The following VPS13C variants were observed in gnomAD, a reference collection of about 807,000 sequenced individuals.
VPS13C encodes the protein intermembrane lipid transfer protein VPS13C.
A neutral mutation model predicts 456.8 loss-of-function variants in VPS13C; 358 were observed. The observed-to-expected ratio is 0.78, with a 90% CI of 0.72 to 0.86. The LOEUF (loss-of-function observed/expected upper bound fraction) is 0.86, where lower values mean the gene tolerates loss of function less well. Among genes scored for constraint, VPS13C ranks in the 40% least tolerant of loss-of-function variants. The probability of loss-of-function intolerance (pLI) is 0.00; values close to 1 mark genes in which losing one functional copy is unlikely to be tolerated. For synonymous variants in VPS13C, 1,578 were observed against 1,486.7 expected, an observed-to-expected ratio of 1.06 and a Z score of -1.41; for missense variants, 4,818 against 4,385.4, an observed-to-expected ratio of 1.10 and a Z score of -2.79.
At chr15:61,874,780 T>A in intron 77 of VPS13C, 96 bp downstream of exon 77, 1 of 1,118,716 alleles carries the variant, frequency 8.9e-7, no homozygotes. Flanking sequence ...AAGTGATCCC[T>A]CCTTTATTAA....
intron 16 of VPS13C, among the ~76,000 whole-genome samples, chr15:61,993,621 C>T (rs897089668): frequency 1.3e-5 from 2 of 151,862 alleles, no homozygotes; most frequent in African/African-American, 4.8e-5. Flanking sequence ...AAATTTTACA[C>T]ATAATAAAGA....
In VPS13C at chr15:62,038,762, A is replaced by T. The variant is rs968059637; in HGVS notation, c.187+2562T>A. Among the ~76,000 whole-genome samples, 3 of 152,232 alleles carry T rather than the reference A, an allele frequency of 2.0e-5. No homozygotes were observed. In the South Asian group the frequency reaches 6.2e-4, roughly 31 times the overall value. ...AGGAACTCAAACAACTGAACAAGAAAAAAACAACCCCATTCAAAACAGCAA... is the reference window on the plus strand; with the variant it reads ...AGGAACTCAAACAACTGAACAAGAATAAAACAACCCCATTCAAAACAGCAA... On this transcript the variant is annotated intron_variant, in intron 3 of 84. Transcript: ENST00000644861.
chr15:62,046,816 T>G (rs776409344), intron 1 of VPS13C, among the ~76,000 whole-genome samples: 30 of 152,190 alleles, frequency 2.0e-4, no homozygotes, highest in Admixed American at 7.2e-4. Flanking sequence ...GTAGTTAAGA[T>G]GTGAAATGTT....
chr15:61,893,559 A>C (rs2042715928), intron 66 of VPS13C, among the ~76,000 whole-genome samples: 2 of 151,732 alleles, frequency 1.3e-5, no homozygotes, highest in South Asian at 2.1e-4. Context: ...TCACTGGTAA[A>C]ACTAAGTACA....
chr15:61,925,510 C>A lies in VPS13C; in HGVS notation c.6555G>T (p.Thr2185=), dbSNP rs201714454. Residue 2185 remains threonine (T), a synonymous_variant, in exon 53 of 85, where the codon ACG becomes ACT. Transcript: ENST00000644861. ...TTATATTTTGCTTTCCTGAAGCCCA[C>A]GTACATTTTTCCATAAATAAAGAAC... The part of the protein sequence containing the change: ...QPCSLFMEKC[T]WASGKQNINI... 1.9e-6 allele frequency: 3 copies of A among 1,603,848 alleles called. No individual in the cohort carries two copies. Among genetic ancestry groups the A allele is most frequent in the Middle Eastern group, 1.7e-4 (1 of 5,716 alleles).
intron 3 of VPS13C, among the ~76,000 whole-genome samples, chr15:62,039,759 G>A (rs1000817914): frequency 7.2e-5 from 11 of 152,096 alleles, no homozygotes; most frequent in African/African-American, 2.7e-4. Flanking sequence ...ACTATTGGTG[G>A]GAATGTAAAT....
chr15:61,897,436 C>G (rs897350286), intron 66 of VPS13C, among the ~76,000 whole-genome samples: 7 of 151,972 alleles, frequency 4.6e-5, no homozygotes, highest in Admixed American at 2.6e-4. Context: ...AACCAAGGCT[C>G]GAGAACTACG....
rs1395309029 is a variant in VPS13C, at chr15:61,880,681, T to C, written c.9930A>G (p.Glu3310=). 2 of 1,600,542 alleles carry C rather than the reference T, an allele frequency of 1.2e-6. No homozygotes were observed. The highest frequency in any genetic ancestry group is 2.2e-5 in the East Asian group (1 of 44,504). Residue 3310 remains glutamate (E), a synonymous_variant, in exon 73 of 85, where the codon GAA becomes GAG. Coordinates refer to ENST00000644861, the MANE Select transcript of VPS13C (RefSeq NM_020821.3). ...TATCAGTCATTGAAGTCTCCATTAA[T>C]TCTGCATTTAGAGCATCAATATCTT... ...IQQDIDALNA[E]LMETSMTDMS...
chr15:61,863,297 AT>A, intron 82 of VPS13C, 142 bp downstream of exon 82: 1 of 608,684 alleles, frequency 1.6e-6, no homozygotes, highest in Middle Eastern at 3.1e-4. Flanking sequence ...CTGTATTGTG[AT>A]TCTATGAAAA....
chr15:62,012,190 G>A, intron 11 of VPS13C, 26 bp from the exon 12 acceptor site: 5 of 1,361,586 alleles, frequency 3.7e-6, no homozygotes, highest in South Asian at 2.4e-5. Context: ...GAATGAGAAT[G>A]AAAAAGAAAA....
At position 61,897,902 on chromosome 15, in the gene VPS13C, G is replaced by A. The variant is rs142758647; in HGVS notation, c.9106-7502C>T. On this transcript the variant is annotated intron_variant, in intron 66 of 84. Transcript: ENST00000644861. The stretch of plus-strand genomic sequence containing the variant: ...AAGCCCATCAGACTAACAGCGGATC[G>A]CTCGGCAGAAACCATACAAGCCAGA... Among the ~76,000 whole-genome samples, 634 of 152,230 alleles carry A rather than the reference G, an allele frequency of 4.2e-3. 9 individuals are homozygous for A. The highest frequency in any genetic ancestry group is 0.019 in the East Asian group (100 of 5,170).
In VPS13C at chr15:61,945,833, TAA is replaced by T; in HGVS notation, c.5028_5029del (p.Tyr1677SerfsTer11). ...GGCCTCTCCTTCTGTGGCATCTGGA[TAA>T]AGAGTCAGTTGGAACCTAAAGACTT... On this transcript the variant is annotated frameshift_variant, in exon 45 of 85. Transcript: ENST00000644861. LOFTEE classifies it high-confidence loss of function. The T allele has an allele frequency of 6.2e-7, 1 of 1,612,864 alleles. No homozygotes were observed. Among genetic ancestry groups the T allele is most frequent in the Non-Finnish European group, 8.5e-7 (1 of 1,179,592 alleles).
intron 66 of VPS13C, among the ~76,000 whole-genome samples, chr15:61,902,369 T>C (rs1445552015): frequency 6.7e-6 from 1 of 148,752 alleles, no homozygotes; most frequent in Non-Finnish European, 1.5e-5. Context: ...GAGCGGGGAA[T>C]ACTTCTAAAC....
rs1236394659 is a variant in VPS13C, at chr15:61,951,982, T to G, written c.4300-2A>C. On this transcript the variant is annotated splice_acceptor_variant, in intron 38 of 84. Coordinates refer to ENST00000644861, the MANE Select transcript of VPS13C (RefSeq NM_020821.3). LOFTEE classifies it high-confidence loss of function. ...TTTTTTCATCAAAGTAACCACAACC[T>G]AAAAAACGGTACCAGTATTACCACC... 1 of 1,610,024 alleles carries G rather than the reference T, an allele frequency of 6.2e-7. No homozygotes were observed. The highest frequency in any genetic ancestry group is 8.5e-7 in the Non-Finnish European group (1 of 1,178,656).
In VPS13C at chr15:62,022,087, ATGAACAAGGGAATGC is replaced by A. The variant is rs1452285716; in HGVS notation, c.624+1309_624+1323del. 3.3e-5 allele frequency among the ~76,000 whole-genome samples: 5 copies of A among 151,990 alleles called. No homozygotes were observed. The South Asian group carries it at 6.2e-4, about 19-fold the overall frequency. On this transcript the variant is annotated intron_variant, in intron 8 of 84. Coordinates refer to ENST00000644861, the MANE Select transcript of VPS13C (RefSeq NM_020821.3). ...CTTCTCTATAGTGAATAGTGCTGAA[ATGAACAAGGGAATGC>A]TGACATCTCTTTGACATACTGACTT... is the stretch of plus-strand genomic sequence containing the variant.
At chr15:62,053,779 A>G (rs12442589) in intron 1 of VPS13C, among the ~76,000 whole-genome samples, 71,585 of 152,066 alleles carry the variant, frequency 0.47, 18,035 homozygotes, top group Admixed American at 0.58. Context: ...CTTATGCTGC[A>G]CTGCTCCAAC....
Position 61,973,414 on chromosome 15 carries a change from G to C in VPS13C, c.2617+40C>G, listed in dbSNP as rs1198878710. ...TGTTATCTCTGTATAACAATGTATA[G>C]GCTTAATTTAATAGAGAAAGAGTAT... On this transcript the variant is annotated intron_variant, in intron 26 of 84. Transcript: ENST00000644861. 12 of 1,504,936 alleles carry C rather than the reference G, an allele frequency of 8.0e-6. No homozygotes were observed. In the African/African-American group the frequency reaches 9.6e-5, roughly 12 times the overall value. The allele number at this position is 1,504,936 out of a possible 1,614,324, so 93.2% of individuals were successfully genotyped here. A position where few individuals can be genotyped will look rare whatever the true frequency, so the allele number is the denominator to read the frequency against.
intron 64 of VPS13C, among the ~76,000 whole-genome samples, chr15:61,909,332 C>T (rs1293423654): frequency 6.6e-5 from 10 of 152,120 alleles, no homozygotes; most frequent in Admixed American, 3.9e-4. Context: ...CCCAGCCTTC[C>T]GAATAGCTGG....
chr15:61,953,035 T>C (rs2140296189), intron 38 of VPS13C, among the ~76,000 whole-genome samples: 1 of 152,176 alleles, frequency 6.6e-6, no homozygotes, highest in Non-Finnish European at 1.5e-5. Context: ...ACTTAAAACT[T>C]TATTATTTTT....
Sources: gnomAD v4.1 joint callset for allele counts (sites outside exome capture counted in the v4.1 genomes callset) on GRCh38, gnomAD v4.1.1 for gene constraint, MANE v1.5 for transcripts, NCBI Gene and HGNC (gene_info 2026-07-23, HGNC 2026-07-21) for gene names.